DPY19L2: variants seen among roughly 807,000 people sequenced by gnomAD.
DPY19L2 encodes the protein dpy-19 like 2.
In DPY19L2, 34 loss-of-function variants were observed where a neutral mutation model predicts 97.9. That is an observed-to-expected ratio of 0.35 (90% CI 0.26 to 0.46). DPY19L2 has a LOEUF of 0.46. DPY19L2 is among the 20% of genes least tolerant of loss of function. The probability of loss-of-function intolerance (pLI) is 1.00; values close to 1 mark genes in which losing one functional copy is unlikely to be tolerated. For synonymous variants in DPY19L2, 230 were observed against 307.9 expected (o/e 0.75, Z 2.65); for missense variants, 623 against 911.4 (o/e 0.68, Z 4.07).
intron 4 of DPY19L2, among the ~76,000 whole-genome samples, 177 bp from the exon 5 acceptor site, chr12:63,647,542 C>T (rs1893590747): frequency 6.6e-6 from 1 of 152,044 alleles, no homozygotes. Context: ...ATCGCAAGGA[C>T]ATAAAAACAA....
At chr12:63,566,688 C>T (rs1303477842) in intron 21 of DPY19L2, among the ~76,000 whole-genome samples, 6 of 151,856 alleles carry the variant, frequency 4.0e-5, no homozygotes, top group African/African-American at 1.5e-4. Flanking sequence ...TAATCATTCA[C>T]CTTGCGAAAA....
intron 6 of DPY19L2, among the ~76,000 whole-genome samples, chr12:63,629,149 A>C (rs1420289134): frequency 6.6e-6 from 1 of 152,166 alleles, no homozygotes; most frequent in African/African-American, 2.4e-5. Context: ...AACTCTAAAA[A>C]TCAGAGTGCC....
chr12:63,582,337 G>A (rs1197810880), intron 18 of DPY19L2, 69 bp downstream of exon 18: 11 of 1,481,790 alleles, frequency 7.4e-6, no homozygotes, highest in Non-Finnish European at 9.9e-6. Flanking sequence ...AGTCAGCAAA[G>A]CCACAGTAAC....
chr12:63,590,085 G>A (rs541671605), intron 16 of DPY19L2, among the ~76,000 whole-genome samples: 3 of 151,880 alleles, frequency 2.0e-5, no homozygotes, highest in Non-Finnish European at 1.5e-5. Context: ...CCGAGATTGT[G>A]CCACTGCATA....
chr12:63,609,203 G>A (rs1289332954), intron 11 of DPY19L2, among the ~76,000 whole-genome samples: 1 of 152,076 alleles, frequency 6.6e-6, no homozygotes, highest in Non-Finnish European at 1.5e-5. Context: ...ATAAAGGCCT[G>A]TAGAATAAGG....
chr12:63,572,437 C>T (rs1429058533), intron 19 of DPY19L2, among the ~76,000 whole-genome samples: 3 of 152,132 alleles, frequency 2.0e-5, no homozygotes, highest in Non-Finnish European at 2.9e-5. Context: ...TCTAAGGTGT[C>T]TGACTCCAGG....
chr12:63,606,635 C>A (rs1886090882), intron 12 of DPY19L2, among the ~76,000 whole-genome samples: 2 of 152,072 alleles, frequency 1.3e-5, no homozygotes, highest in Admixed American at 6.5e-5. Context: ...AGTTACTAAT[C>A]TTTTACACTT....
chr12:63,632,725 A>G (rs1182096915), intron 6 of DPY19L2, among the ~76,000 whole-genome samples: 1 of 152,172 alleles, frequency 6.6e-6, no homozygotes, highest in Non-Finnish European at 1.5e-5. Flanking sequence ...TTAAAAGTTC[A>G]TATGGAACCA....
At chr12:63,574,209 TC>T (rs1292998638) in intron 19 of DPY19L2, among the ~76,000 whole-genome samples, 2 of 152,066 alleles carry the variant, frequency 1.3e-5, no homozygotes, top group African/African-American at 4.8e-5. Flanking sequence ...TTATTAGCTT[TC>T]TTTTGGCTTA....
intron 21 of DPY19L2, among the ~76,000 whole-genome samples, chr12:63,561,214 C>T (rs973432152): frequency 3.3e-5 from 5 of 152,096 alleles, no homozygotes; most frequent in African/African-American, 7.2e-5. Flanking sequence ...TCCTGCATGG[C>T]AGTCATTAAA....
At chr12:63,585,092 C>T (rs2942606) in intron 16 of DPY19L2, among the ~76,000 whole-genome samples, 1 of 151,940 alleles carries the variant, frequency 6.6e-6, no homozygotes, top group Non-Finnish European at 1.5e-5. Context: ...TCTTGGGATG[C>T]GTCGCCCTGC....
intron 16 of DPY19L2, among the ~76,000 whole-genome samples, chr12:63,590,588 C>T (rs1160814757): frequency 6.6e-6 from 1 of 151,932 alleles, no homozygotes; most frequent in African/African-American, 2.4e-5. Flanking sequence ...TAATGAAGAT[C>T]AAGGAAGAGG....
rs772820508 is a variant in DPY19L2 at position 63,560,502 on chromosome 12, A to C, written c.*10T>G. The C allele has an allele frequency of 6.2e-7, 1 of 1,612,472 alleles. No individual in the cohort carries two copies. The highest frequency in any genetic ancestry group is 1.7e-5 in the Admixed American group (1 of 59,826). ...GGCATTGTGCCATAGTAAAATGGGT[A>C]GTATCCTTCTCAGTTAACCTTTAAT... On this transcript the variant is annotated 3_prime_UTR_variant, in exon 22 of 22. Transcript: ENST00000324472.
Position 63,559,332 on chromosome 12 carries a change from GC to G in DPY19L2, c.*1179del, listed in dbSNP as rs1565681111. 6.6e-6 allele frequency: 1 copy of G among 152,204 alleles called. No individual in the cohort carries two copies. Among genetic ancestry groups the G allele is most frequent in the Non-Finnish European group, 1.5e-5 (1 of 68,016 alleles). The allele number at this position is 152,204 out of a possible 1,614,324, so 9.4% of individuals were successfully genotyped here. The stretch of plus-strand genomic sequence containing the variant: ...ATTTTGTTATTTCAAGTGTAGAGGG[GC>G]AAGAACATAAGGGAATTATAAAAAC... On this transcript the variant is annotated 3_prime_UTR_variant, in exon 22 of 22. Coordinates refer to ENST00000324472, the MANE Select transcript of DPY19L2 (RefSeq NM_173812.5).
chr12:63,632,817 C>G (rs4762993), intron 6 of DPY19L2, among the ~76,000 whole-genome samples: 103,306 of 151,632 alleles, frequency 0.68, 36,311 homozygotes, highest in African/African-American at 0.86. Flanking sequence ...TCAAACTATA[C>G]TACAAGGCTA....
chr12:63,612,462 A>C (rs1442268114), intron 11 of DPY19L2, among the ~76,000 whole-genome samples: 1 of 152,068 alleles, frequency 6.6e-6, no homozygotes, highest in African/African-American at 2.4e-5. Context: ...ATAACATGAA[A>C]TAAATTTAAA....
intron 19 of DPY19L2, among the ~76,000 whole-genome samples, chr12:63,577,894 A>G (rs1880149659): frequency 6.6e-6 from 1 of 152,156 alleles, no homozygotes; most frequent in African/African-American, 2.4e-5. Flanking sequence ...AGGTTCCTCA[A>G]AAAACTAAAA....
In DPY19L2 at chr12:63,591,380, G is replaced by A. The variant is rs188258693; in HGVS notation, c.1580+2707C>T. 2.0e-3 allele frequency among the ~76,000 whole-genome samples: 298 copies of A among 152,164 alleles called. 1 individual carries two copies. The highest frequency in any genetic ancestry group is 7.0e-3 in the African/African-American group (289 of 41,506). On this transcript the variant is annotated intron_variant, in intron 16 of 21. Transcript: ENST00000324472. ...TATTTACAAATATAAAATGTAACTTGAAAATTACTATTAGGTACTATGCTC... is the reference window on the plus strand; with the variant it reads ...TATTTACAAATATAAAATGTAACTTAAAAATTACTATTAGGTACTATGCTC...
intron 4 of DPY19L2, among the ~76,000 whole-genome samples, chr12:63,653,172 G>A (rs904058853): frequency 8.6e-5 from 13 of 151,936 alleles, no homozygotes; most frequent in Admixed American, 3.9e-4. Flanking sequence ...ACAGCCCTAG[G>A]GACCTGTGGA....
Sources: allele counts gnomAD v4.1 joint callset (sites outside exome capture counted in the v4.1 genomes callset), GRCh38; gene constraint gnomAD v4.1.1; transcripts MANE v1.5; gene names NCBI Gene and HGNC (gene_info 2026-07-23, HGNC 2026-07-21).